FBP2: variants seen among roughly 807,000 people sequenced by gnomAD.
FBP2 encodes fructose-1,6-bisphosphatase isozyme 2.
In FBP2, 27 loss-of-function variants were observed where a neutral mutation model predicts 31.6. That is an observed-to-expected ratio of 0.85 (90% CI 0.63 to 1.18). The LOEUF is 1.18. FBP2 is among the 50% of genes most tolerant of loss of function. The pLI, the probability that FBP2 is intolerant of heterozygous loss-of-function variation, is 0.00. For synonymous variants in FBP2, 168 were observed against 179.8 expected, an observed-to-expected ratio of 0.93 and a Z score of 0.53; for missense variants, 421 against 436.1, an observed-to-expected ratio of 0.97 and a Z score of 0.31.
At chr9:94,589,541 GCTCA>G (rs1165521569) in intron 1 of FBP2, among the ~76,000 whole-genome samples, 4 of 152,220 alleles carry the variant, frequency 2.6e-5, no homozygotes, top group African/African-American at 9.6e-5. Flanking sequence ...CTCCATGTCT[GCTCA>G]CTGAGTTATG....
At chr9:94,590,515 C>T (rs967502295) in intron 1 of FBP2, among the ~76,000 whole-genome samples, 19 of 152,074 alleles carry the variant, frequency 1.2e-4, no homozygotes, top group Admixed American at 2.0e-4. Flanking sequence ...AGAATGAAGC[C>T]GCGGACCCTC....
intron 4 of FBP2, chr9:94,569,553 C>T (rs1426121692): frequency 1.3e-5 from 2 of 152,246 alleles, no homozygotes; most frequent in Admixed American, 6.5e-5. Context: ...GGCCGGGACA[C>T]TCAGGCCCTG....
Position 94,587,451 on chromosome 9 carries a change from G to A in FBP2, c.189C>T (p.Ser63=), listed in dbSNP as rs575179961. ...TCACCTCATCTCCCGTCACGTTAAC[G>A]CTTCCTGCGATTCCATACCTGAGAA... The part of the protein sequence containing the change: ...GLAHLYGIAG[S]VNVTGDEVKK... The change falls in exon 2 of 7, where the codon AGC becomes AGT. Residue 63 remains serine (S), a synonymous_variant. Coordinates refer to ENST00000375337, the MANE Select transcript of FBP2 (RefSeq NM_003837.4). 2.6e-5 allele frequency: 42 copies of A among 1,613,832 alleles called. No homozygotes were observed. Among genetic ancestry groups the A allele is most frequent in the East Asian group, 6.7e-5 (3 of 44,888 alleles).
intron 3 of FBP2, among the ~76,000 whole-genome samples, chr9:94,581,076 A>G (rs1040512968): frequency 6.6e-6 from 1 of 152,240 alleles, no homozygotes; most frequent in Non-Finnish European, 1.5e-5. Context: ...AATAATTAAA[A>G]TGCTTAACTA....
At chr9:94,579,067 A>AAAAAAAAAAAAAAAAAAAAAAAAAAC in intron 3 of FBP2, among the ~76,000 whole-genome samples, 1 of 141,926 alleles carries the variant, frequency 7.0e-6, no homozygotes, top group Non-Finnish European at 1.5e-5. Context: ...AAAAAAAAAA[A>AAAAAAAAAAAAAAAAAAAAAAAAAAC]AAGGTTATTT....
At chr9:94,584,502 A>T (rs1336722239) in intron 3 of FBP2, 75 bp downstream of exon 3, 2 of 965,216 alleles carry the variant, frequency 2.1e-6, no homozygotes, top group African/African-American at 3.2e-5. Context: ...GACTCCAAAC[A>T]CACGGTTTTC....
intron 5 of FBP2, among the ~76,000 whole-genome samples, chr9:94,565,729 A>AGATAGAT (rs958800933): frequency 2.1e-5 from 2 of 97,222 alleles, no homozygotes; most frequent in Non-Finnish European, 4.3e-5. Context: ...AGATATAGGT[A>AGATAGAT]GATAGATGAT....
chr9:94,582,547 ATTT>A (rs35999121), intron 3 of FBP2, among the ~76,000 whole-genome samples: 1 of 132,230 alleles, frequency 7.6e-6, no homozygotes, highest in Non-Finnish European at 1.6e-5. Flanking sequence ...CTCTTGGCTA[ATTT>A]TTTTTTTTTT....
chr9:94,561,350 G>GTTTTTT (rs1463916724), intron 6 of FBP2, among the ~76,000 whole-genome samples: 7 of 59,794 alleles, frequency 1.2e-4, no homozygotes, highest in Non-Finnish European at 1.5e-4. Flanking sequence ...CATGTGACCT[G>GTTTTTT]TATTTTTTTT....
chr9:94,571,671 G>C, intron 3 of FBP2, 69 bp from the exon 4 acceptor site: 1 of 1,412,344 alleles, frequency 7.1e-7, no homozygotes, highest in East Asian at 2.4e-5. Context: ...CCAGGGGCCT[G>C]GGCTTCAGAT....
Position 94,571,605 on chromosome 9 carries a change from G to C in FBP2, c.427-3C>G, listed in dbSNP as rs747429104. 212 of 1,609,756 alleles carry C rather than the reference G, an allele frequency of 1.3e-4. No individual in the cohort carries two copies. The highest frequency in any genetic ancestry group is 1.8e-4 in the Non-Finnish European group (207 of 1,177,816). ...TCAGAAGGCTCATCCTCTGAGGTCT[G>C]TGGAAGAGAGGGATAAATGCCATGT... is the stretch of plus-strand genomic sequence containing the variant. On this transcript the variant is annotated splice_region_variant and splice_polypyrimidine_tract_variant and intron_variant, in intron 3 of 6. Coordinates refer to ENST00000375337, the MANE Select transcript of FBP2 (RefSeq NM_003837.4).
Position 94,569,925 on chromosome 9 carries a change from A to G in FBP2, c.567+1537T>C, listed in dbSNP as rs1430754122. On this transcript the variant is annotated intron_variant, in intron 4 of 6. Coordinates refer to ENST00000375337, the MANE Select transcript of FBP2 (RefSeq NM_003837.4). ...ACTGGCCGCCTTCCATGGCATTTCTATCTGTGACAACTGCCACAAGCTACC... is the reference window on the plus strand; with the variant it reads ...ACTGGCCGCCTTCCATGGCATTTCTGTCTGTGACAACTGCCACAAGCTACC... 3.9e-5 allele frequency: 6 copies of G among 152,212 alleles called. No homozygotes were observed. The East Asian group carries it at 1.2e-3, about 29-fold the overall frequency. The allele number at this position is 152,212 out of a possible 1,614,324, so 9.4% of individuals were successfully genotyped here. A position where few individuals can be genotyped will look rare whatever the true frequency, so the allele number is the denominator to read the frequency against.
At chr9:94,583,156 G>A (rs781001468) in intron 3 of FBP2, among the ~76,000 whole-genome samples, 41 of 152,090 alleles carry the variant, frequency 2.7e-4, no homozygotes, top group Non-Finnish European at 5.4e-4. Flanking sequence ...TGCCCAGCCT[G>A]TTAAATATGT....
chr9:94,591,664 T>C (rs111697172), intron 1 of FBP2, among the ~76,000 whole-genome samples: 10 of 152,258 alleles, frequency 6.6e-5, no homozygotes, highest in African/African-American at 2.4e-4. Flanking sequence ...CAGGCAAATC[T>C]GGTCTGGGCT....
chr9:94,590,556 C>G lies in FBP2; in HGVS notation c.170+3001G>C, dbSNP rs1827484583. Among the ~76,000 whole-genome samples, 4 of 152,292 alleles carry G rather than the reference C, an allele frequency of 2.6e-5. No homozygotes were observed. The Middle Eastern group carries it at 0.01, about 389-fold the overall frequency. The stretch of plus-strand genomic sequence containing the variant: ...GAGTGTTACAGCTCTTAAGGTGGCG[C>G]ATCTGGAGTTGTTCGTTCCTCCCAG... On this transcript the variant is annotated intron_variant, in intron 1 of 6. Coordinates refer to ENST00000375337, the MANE Select transcript of FBP2 (RefSeq NM_003837.4).
At chr9:94,580,391 A>G (rs1827362848) in intron 3 of FBP2, among the ~76,000 whole-genome samples, 1 of 152,038 alleles carries the variant, frequency 6.6e-6, no homozygotes, top group African/African-American at 2.4e-5. Flanking sequence ...TAATTTTTGT[A>G]TTTTTAGCAG....
At chr9:94,577,194 G>A (rs995427247) in intron 3 of FBP2, 1 of 152,288 alleles carries the variant, frequency 6.6e-6, no homozygotes, top group Non-Finnish European at 1.5e-5. Context: ...GTGGCTGAAA[G>A]GCTCACAAGC....
At chr9:94,569,847 A>C (rs577571960) in intron 4 of FBP2, 1 of 152,360 alleles carries the variant, frequency 6.6e-6, no homozygotes, top group Non-Finnish European at 1.5e-5. Flanking sequence ...CTGCAATCCC[A>C]CAGACCTCAC....
At chr9:94,582,818 G>A (rs1167190372) in intron 3 of FBP2, among the ~76,000 whole-genome samples, 1 of 149,906 alleles carries the variant, frequency 6.7e-6, no homozygotes, top group African/African-American at 2.5e-5. Flanking sequence ...AAATTGCTGG[G>A]ATTACAGGCA....
Sources: allele counts gnomAD v4.1 joint callset (sites outside exome capture counted in the v4.1 genomes callset), GRCh38; gene constraint gnomAD v4.1.1; transcripts MANE v1.5; gene names NCBI Gene and HGNC (gene_info 2026-07-23, HGNC 2026-07-21).